Variants in TTC39B observed in about 807,000 individuals in gnomAD.
TTC39B encodes tetratricopeptide repeat protein 39B.
In TTC39B, 92 loss-of-function variants were observed where a neutral mutation model predicts 96.6. The ratio of observed to expected loss-of-function variants is 0.95; its 90% confidence interval spans 0.80 to 1.13. The LOEUF (loss-of-function observed/expected upper bound fraction) is 1.13. TTC39B is among the 50% of genes most tolerant of loss of function. The pLI, the probability that TTC39B is intolerant of heterozygous loss-of-function variation, is 0.00. For missense variants in TTC39B, 955 were observed against 809.3 expected (o/e 1.18, Z -2.18); for synonymous variants, 367 against 299.4 (o/e 1.23, Z -2.33).
At chr9:15,294,031 T>C (rs778389364) in intron 1 of TTC39B, among the ~76,000 whole-genome samples, 7 of 152,218 alleles carry the variant, frequency 4.6e-5, no homozygotes, top group Non-Finnish European at 8.8e-5. Flanking sequence ...GATTCACGAA[T>C]CTTTCATTGC....
At chr9:15,265,425 C>T (rs1168991701) in intron 2 of TTC39B, among the ~76,000 whole-genome samples, 4 of 152,166 alleles carry the variant, frequency 2.6e-5, no homozygotes, top group Non-Finnish European at 4.4e-5. Context: ...AGCAGTGTCT[C>T]CTCTGGTGAA....
intron 2 of TTC39B, among the ~76,000 whole-genome samples, chr9:15,235,023 C>CAATCAATAAATAAATAAATAAATA: frequency 6.9e-6 from 1 of 145,138 alleles, no homozygotes; most frequent in South Asian, 2.2e-4. Flanking sequence ...CAAGAATGAT[C>CAATCAATAAATAAATAAATAAATA]AATAAATAAA....
intron 2 of TTC39B, among the ~76,000 whole-genome samples, chr9:15,264,052 T>C (rs1450544210): frequency 6.6e-6 from 1 of 151,984 alleles, no homozygotes; most frequent in Non-Finnish European, 1.5e-5. Flanking sequence ...ACAGAGAAGT[T>C]CTGGAGGCAA....
chr9:15,275,598 G>A (rs751177065), intron 1 of TTC39B, among the ~76,000 whole-genome samples: 2 of 152,136 alleles, frequency 1.3e-5, no homozygotes, highest in African/African-American at 4.8e-5. Context: ...GGAGAAGGAG[G>A]ATACGCCCAT....
chr9:15,306,211 G>T lies in TTC39B; in HGVS notation c.240+873C>A, dbSNP rs1237331201. 6.6e-6 allele frequency among the ~76,000 whole-genome samples: 1 copy of T among 152,228 alleles called. No individual in the cohort carries two copies. The highest frequency in any genetic ancestry group is 1.5e-5 in the Non-Finnish European group (1 of 68,032). On this transcript the variant is annotated intron_variant, in intron 1 of 19. Transcript: ENST00000512701. This position sits in a 1 kb window ranked among gnomAD's most constrained non-coding sequence, Gnocchi z 5.1. ...GGAACAGCAGCTGTGGGTGCTGGCTGCTGCTGGAGCCTCGGTCTCAACTTC... is the reference window on the plus strand; with the variant it reads ...GGAACAGCAGCTGTGGGTGCTGGCTTCTGCTGGAGCCTCGGTCTCAACTTC...
At chr9:15,277,200 G>A (rs1470250306) in intron 1 of TTC39B, among the ~76,000 whole-genome samples, 4 of 152,104 alleles carry the variant, frequency 2.6e-5, no homozygotes, top group African/African-American at 7.2e-5. Flanking sequence ...AGGCAGAGGC[G>A]GGTGGATCAC....
chr9:15,174,943 G>A (rs997941237), intron 19 of TTC39B, 76 bp downstream of exon 19: 1 of 890,428 alleles, frequency 1.1e-6, no homozygotes, highest in Non-Finnish European at 1.9e-6. Flanking sequence ...AGTATATAAT[G>A]TTACTGCTGT....
chr9:15,215,389 C>A (rs933860153), intron 3 of TTC39B, among the ~76,000 whole-genome samples: 1 of 151,744 alleles, frequency 6.6e-6, no homozygotes, highest in Non-Finnish European at 1.5e-5. Context: ...GAAACCCCGT[C>A]TCTACTAAAA....
At chr9:15,217,068 G>A (rs1229380728) in intron 3 of TTC39B, among the ~76,000 whole-genome samples, 1 of 152,154 alleles carries the variant, frequency 6.6e-6, no homozygotes, top group African/African-American at 2.4e-5. Context: ...GCAGAGGGGG[G>A]ATTCTAAACT....
intron 1 of TTC39B, among the ~76,000 whole-genome samples, chr9:15,289,396 TG>T (rs1473946768): frequency 2.1e-4 from 32 of 152,342 alleles, no homozygotes; most frequent in African/African-American, 7.2e-4. Context: ...ATTAAATTAA[TG>T]GATGCAAATA....
chr9:15,254,847 ACACACAC>A (rs1822691510), intron 2 of TTC39B, among the ~76,000 whole-genome samples: 1 of 142,038 alleles, frequency 7.0e-6, no homozygotes, highest in Admixed American at 6.9e-5. Flanking sequence ...ACACACACAC[ACACACAC>A]ACACACAAAC....
chr9:15,219,955 T>C (rs892690240), intron 3 of TTC39B, among the ~76,000 whole-genome samples: 2 of 152,198 alleles, frequency 1.3e-5, no homozygotes, highest in Non-Finnish European at 1.5e-5. Context: ...ATCTAAGCTA[T>C]AATACATTCT....
At position 15,225,952 on chromosome 9, in the gene TTC39B, C is replaced by T. The variant is rs148093302; in HGVS notation, c.336G>A (p.Gln112=). 9.3e-6 allele frequency: 15 copies of T among 1,614,040 alleles called. No individual in the cohort carries two copies. In the African/African-American group the frequency reaches 2.0e-4, roughly 21 times the overall value. ...TAGACGCTCCGCGCTGTCTGGGCGC[C>T]TGTTGTGTATCACATGATGCAAAGT... Residue 112 remains glutamine (Q), a synonymous_variant, in exon 3 of 20, where the codon CAG becomes CAA. Coordinates refer to ENST00000512701, the Ensembl canonical transcript of TTC39B.
chr9:15,290,816 C>A (rs930595350), intron 1 of TTC39B, among the ~76,000 whole-genome samples: 24 of 152,246 alleles, frequency 1.6e-4, no homozygotes, highest in African/African-American at 5.5e-4. Flanking sequence ...AAATGTTGAA[C>A]TCCTCAAAAT....
intron 2 of TTC39B, among the ~76,000 whole-genome samples, chr9:15,251,611 T>G (rs773602123): frequency 4.7e-5 from 7 of 150,442 alleles, no homozygotes; most frequent in Non-Finnish European, 1.0e-4. Context: ...ATAACCACTC[T>G]TAATGTTTTG....
Position 15,247,751 on chromosome 9 carries a change from T to C in TTC39B, c.275+20163A>G, listed in dbSNP as rs572220393. Among the ~76,000 whole-genome samples, 5 of 151,822 alleles carry C rather than the reference T, an allele frequency of 3.3e-5. No homozygotes were observed. The South Asian group carries it at 8.3e-4, about 25-fold the overall frequency. ...AAGTACAAAATGTTAGGAAGACCTC[T>C]GGGCATGAGGCAAAAAAAAACTATG... On this transcript the variant is annotated intron_variant, in intron 2 of 19. Transcript: ENST00000512701.
chr9:15,254,481 T>C (rs946665000), intron 2 of TTC39B, among the ~76,000 whole-genome samples: 14 of 152,180 alleles, frequency 9.2e-5, no homozygotes, highest in African/African-American at 3.4e-4. Context: ...GCTTTGCAGT[T>C]TTACAAAATG....
intron 1 of TTC39B, among the ~76,000 whole-genome samples, chr9:15,270,280 G>A (rs554548964): frequency 2.4e-4 from 36 of 152,246 alleles, no homozygotes; most frequent in African/African-American, 8.7e-4. Flanking sequence ...AAAATCAAGG[G>A]CCAGCACACA....
intron 3 of TTC39B, among the ~76,000 whole-genome samples, chr9:15,219,589 C>A (rs551411539): frequency 6.6e-6 from 1 of 152,308 alleles, no homozygotes; most frequent in Admixed American, 6.5e-5. Flanking sequence ...CCTCCCTGTA[C>A]CCTGAGGAAA....
Sources: allele counts gnomAD v4.1 joint callset (sites outside exome capture counted in the v4.1 genomes callset), GRCh38; gene constraint gnomAD v4.1.1; non-coding constraint Gnocchi (gnomAD v3.1); transcripts MANE v1.5; gene names NCBI Gene and HGNC (gene_info 2026-07-23, HGNC 2026-07-21).